ABCA4: variants seen among roughly 807,000 people sequenced by gnomAD.
ABCA4 encodes retinal-specific phospholipid-transporting ATPase ABCA4.
ABCA4 carries 196 observed loss-of-function variants against 263.7 expected under a neutral mutation model. The ratio of observed to expected loss-of-function variants is 0.74; its 90% CI spans 0.66 to 0.84. The LOEUF is 0.84. Among genes scored for constraint, ABCA4 ranks in the 40% least tolerant of loss-of-function variants. The pLI is 0.00. For missense variants in ABCA4, 2,792 were observed against 2,855.1 expected, an observed-to-expected ratio of 0.98 and a Z score of 0.50; for synonymous variants, 1,133 against 1,094.2, an observed-to-expected ratio of 1.04 and a Z score of -0.70.
In ABCA4 at chr1:94,041,382, T is replaced by C; in HGVS notation, c.3349A>G (p.Thr1117Ala). Residue 1117 changes from threonine to alanine, a missense_variant, in exon 23 of 50, where the codon ACT becomes GCT. By Grantham distance (58) the Thr-to-Ala change is moderately conservative. Transcript: ENST00000370225. ...AGGTCGGCCTCGTCCATGTGGTGAG[T>C]GGACATGATGATGGTTCTGCCTGCA... ...YRSGRTIIMS[T>A]HHMDEADLLG... 6.2e-7 allele frequency: 1 copy of C among 1,613,714 alleles called. No homozygotes were observed. Among genetic ancestry groups the C allele is most frequent in the Non-Finnish European group, 8.5e-7 (1 of 1,179,954 alleles).
intron 49 of ABCA4, among the ~76,000 whole-genome samples, chr1:93,995,907 C>T (rs1444785765): frequency 6.6e-6 from 1 of 152,200 alleles, no homozygotes; most frequent in South Asian, 2.1e-4. Context: ...ATGAAAAGTT[C>T]TTCAGCACAG....
At chr1:94,008,445 G>A in intron 41 of ABCA4, 148 bp from the exon 42 acceptor site, 2 of 846,266 alleles carry the variant, frequency 2.4e-6, no homozygotes, top group South Asian at 2.8e-5. Context: ...GAGGTGTGGT[G>A]AGTACTGAGA....
In ABCA4 at chr1:94,037,224, C is replaced by G. The variant is rs1389971564; in HGVS notation, c.3734G>C (p.Ser1245Thr). 8.7e-6 allele frequency: 14 copies of G among 1,614,242 alleles called. No individual in the cohort carries two copies. Among genetic ancestry groups the G allele is most frequent in the Non-Finnish European group, 1.0e-5 (12 of 1,180,050 alleles). ...CGTCTCCTCCAGCTCTCTGAAAAGG[C>G]TGGCATATGCTCTGTGCTTGAAGTT... Reference protein sequence around the residue: ...NKNFKHRAYASLFRELEETLA... With the variant: ...NKNFKHRAYATLFRELEETLA... The change falls in exon 25 of 50, where the codon AGC (serine) becomes ACC (threonine). Residue 1245 changes from serine (S) to threonine (T), a missense_variant. Ser to Thr is a moderately conservative substitution (Grantham distance 58, BLOSUM62 1). Transcript: ENST00000370225.
chr1:94,110,811 G>T (rs1662581399), intron 3 of ABCA4, among the ~76,000 whole-genome samples: 1 of 152,062 alleles, frequency 6.6e-6, no homozygotes, highest in Non-Finnish European at 1.5e-5. Flanking sequence ...TGGAAGAGGG[G>T]TCATTGGTTT....
chr1:93,999,342 G>A (rs1659111330), intron 47 of ABCA4, among the ~76,000 whole-genome samples: 1 of 152,206 alleles, frequency 6.6e-6, no homozygotes, highest in Non-Finnish European at 1.5e-5. Flanking sequence ...CACTGCACCT[G>A]GCCGTCAAAG....
intron 19 of ABCA4, among the ~76,000 whole-genome samples, chr1:94,044,992 C>T (rs1407533562): frequency 5.3e-5 from 8 of 152,210 alleles, no homozygotes; most frequent in Non-Finnish European, 1.0e-4. Context: ...AGGCCAACGC[C>T]GAGGGCCTTT....
At chr1:94,046,472 A>AAAAAAAAAGAAAG (rs1553191034) in intron 19 of ABCA4, among the ~76,000 whole-genome samples, 1 of 148,616 alleles carries the variant, frequency 6.7e-6, no homozygotes, top group Non-Finnish European at 1.5e-5. Flanking sequence ...AAAAAAAAAA[A>AAAAAAAAAGAAAG]AAAAGAAAAG....
intron 15 of ABCA4, among the ~76,000 whole-genome samples, chr1:94,056,247 G>T (rs1301302004): frequency 1.3e-5 from 2 of 152,200 alleles, no homozygotes; most frequent in African/African-American, 4.8e-5. Flanking sequence ...AGATAGTAAA[G>T]TGGCAAGCTC....
At chr1:94,119,180 T>C (rs1481074261) in intron 1 of ABCA4, among the ~76,000 whole-genome samples, 1 of 152,126 alleles carries the variant, frequency 6.6e-6, no homozygotes, top group Non-Finnish European at 1.5e-5. Flanking sequence ...GAGGTTTTTT[T>C]TTCCAGTTTT....
intron 19 of ABCA4, among the ~76,000 whole-genome samples, chr1:94,046,306 A>G (rs6686832): frequency 9.0e-6 from 1 of 111,144 alleles, no homozygotes; most frequent in African/African-American, 3.1e-5. Context: ...AAAAAAAAAT[A>G]CAAAAATTAG....
In ABCA4 at chr1:93,993,164, T is replaced by C; in HGVS notation, c.*73A>G. 14 of 1,601,448 alleles carry C rather than the reference T, an allele frequency of 8.7e-6. No individual in the cohort carries two copies. The highest frequency in any genetic ancestry group is 1.2e-5 in the Non-Finnish European group (14 of 1,169,146). ...GCTGGCCAGTCCATTTGGATGACCA[T>C]ATGGGCACAGGCTCCTGCGCCTCCA... On this transcript the variant is annotated 3_prime_UTR_variant, in exon 50 of 50. Transcript: ENST00000370225.
intron 6 of ABCA4, among the ~76,000 whole-genome samples, chr1:94,096,809 G>A (rs1662133567): frequency 6.6e-6 from 1 of 152,210 alleles, no homozygotes; most frequent in Non-Finnish European, 1.5e-5. Context: ...GCTTCAAGAA[G>A]GGAAGAATGA....
chr1:94,003,565 A>T (rs1659275398), intron 44 of ABCA4, among the ~76,000 whole-genome samples: 1 of 152,092 alleles, frequency 6.6e-6, no homozygotes, highest in Non-Finnish European at 1.5e-5. Flanking sequence ...CTCCATTGTA[A>T]AATTATTATG....
At chr1:94,045,882 T>G (rs1195888670) in intron 19 of ABCA4, 4 of 456,130 alleles carry the variant, frequency 8.8e-6, no homozygotes, top group African/African-American at 4.0e-5. Context: ...TGTCTGCTGC[T>G]CCTTGGGAAA....
At position 94,079,467 on chromosome 1, in the gene ABCA4, A is replaced by T. The variant is rs780127258; in HGVS notation, c.1100-6T>A. Reference sequence around the variant, plus strand: ...CAATGCATTACAAAAGGATGCTGCCAGGAGACAAGGGACAGATTTTACAGA... The same window carrying T: ...CAATGCATTACAAAAGGATGCTGCCTGGAGACAAGGGACAGATTTTACAGA... On this transcript the variant is annotated splice_region_variant and splice_polypyrimidine_tract_variant and intron_variant, in intron 8 of 49. Transcript: ENST00000370225. 6.2e-7 allele frequency: 1 copy of T among 1,614,216 alleles called. No individual in the cohort carries two copies. Among genetic ancestry groups the T allele is most frequent in the Non-Finnish European group, 8.5e-7 (1 of 1,180,008 alleles).
intron 14 of ABCA4, 74 bp from the exon 15 acceptor site, chr1:94,056,896 C>T (rs1409625737): frequency 1.8e-5 from 22 of 1,209,060 alleles, no homozygotes; most frequent in Admixed American, 4.0e-5. Flanking sequence ...CTAAAGGGCT[C>T]TCTCCCACCA....
rs765255785 is a variant in ABCA4, at chr1:94,099,012, A to G, written c.571-21T>C. 3.8e-6 allele frequency: 6 copies of G among 1,595,774 alleles called. No homozygotes were observed. In the African/African-American group the frequency reaches 4.0e-5, roughly 11 times the overall value. ...GCGAACTGCAGGGAGAAGAGGCAAC[A>G]CTAGAAACTGCCCTGTGGTAGGAAA... On this transcript the variant is annotated intron_variant, in intron 5 of 49. Coordinates refer to ENST00000370225, the MANE Select transcript of ABCA4 (RefSeq NM_000350.3).
intron 38 of ABCA4, among the ~76,000 whole-genome samples, chr1:94,013,497 A>G (rs562637381): frequency 6.6e-6 from 1 of 152,090 alleles, no homozygotes; most frequent in Non-Finnish European, 1.5e-5. Flanking sequence ...GGGAAGAGCT[A>G]ATGAGGAGAG....
At chr1:94,095,932 G>A (rs183988048) in intron 6 of ABCA4, among the ~76,000 whole-genome samples, 2 of 151,734 alleles carry the variant, frequency 1.3e-5, no homozygotes, top group East Asian at 1.9e-4. Context: ...AACTGAGGCC[G>A]ACTACGGCAG....
Sources: allele counts gnomAD v4.1 joint callset (sites outside exome capture counted in the v4.1 genomes callset), GRCh38; gene constraint gnomAD v4.1.1; transcripts MANE v1.5; gene names NCBI Gene and HGNC (gene_info 2026-07-23, HGNC 2026-07-21).